TENM2: variants seen among roughly 807,000 people sequenced by gnomAD.
The protein encoded by TENM2 is teneurin-2.
In TENM2, 52 loss-of-function variants were observed where a neutral mutation model predicts 245.2. The observed-to-expected ratio is 0.21, with a 90% CI of 0.17 to 0.27. The LOEUF (loss-of-function observed/expected upper bound fraction) is 0.27. Ranked by LOEUF, TENM2 falls within the 10% of genes least tolerant of loss-of-function variation. TENM2 has a pLI of 1.00. For synonymous variants in TENM2, 1,363 were observed against 1,438.9 expected (o/e 0.95, Z 1.19); for missense variants, 3,046 against 3,666.8 (o/e 0.83, Z 4.37).
intron 2 of TENM2, among the ~76,000 whole-genome samples, chr5:167,629,912 G>GAAGAGGAGGAGA (rs1406813255): frequency 5.3e-5 from 8 of 151,938 alleles, no homozygotes; most frequent in Non-Finnish European, 1.2e-4. Context: ...GAAAGAGGAG[G>GAAGAGGAGGAGA]AAGAGGAGGA....
intron 1 of TENM2, among the ~76,000 whole-genome samples, chr5:167,312,048 T>A (rs1455751642): frequency 6.6e-6 from 1 of 152,178 alleles, no homozygotes; most frequent in Non-Finnish European, 1.5e-5. Context: ...TCCTAGGAAA[T>A]CTGGAGTTGT....
intron 2 of TENM2, among the ~76,000 whole-genome samples, chr5:167,634,600 A>G (rs985482509): frequency 2.6e-5 from 4 of 151,938 alleles, no homozygotes; most frequent in Non-Finnish European, 4.4e-5. Flanking sequence ...TTCATAGTCC[A>G]ATGTTCTCTC....
intron 2 of TENM2, among the ~76,000 whole-genome samples, chr5:167,641,473 C>A (rs1486373058): frequency 1.3e-5 from 2 of 152,176 alleles, no homozygotes; most frequent in East Asian, 1.9e-4. Flanking sequence ...ACAGCAAAAA[C>A]CACATTTGGT....
At chr5:167,336,378 G>A (rs531674095) in intron 1 of TENM2, among the ~76,000 whole-genome samples, 2 of 151,498 alleles carry the variant, frequency 1.3e-5, no homozygotes, top group South Asian at 2.1e-4. Context: ...GGATAAAAAG[G>A]CATCTCTGGT....
chr5:167,377,517 A>AT (rs1760833552), intron 2 of TENM2, among the ~76,000 whole-genome samples: 1 of 152,130 alleles, frequency 6.6e-6, no homozygotes, highest in Admixed American at 6.5e-5. Flanking sequence ...TTTTTAAAAC[A>AT]TTTTTTCAAT....
At chr5:167,755,145 C>T (rs756181485) in intron 2 of TENM2, 28 of 1,599,028 alleles carry the variant, frequency 1.8e-5, no homozygotes, top group Middle Eastern at 1.6e-4. Context: ...AGTACCTCAC[C>T]TCAGTCTGTG....
At chr5:167,420,689 C>CCT (rs1370923273) in intron 2 of TENM2, among the ~76,000 whole-genome samples, 2 of 152,188 alleles carry the variant, frequency 1.3e-5, no homozygotes, top group Non-Finnish European at 2.9e-5. Context: ...CTTGCAACTG[C>CCT]CTTCCCATCC....
chr5:168,225,239 C>T (rs1764050150), intron 23 of TENM2, among the ~76,000 whole-genome samples: 1 of 152,152 alleles, frequency 6.6e-6, no homozygotes, highest in South Asian at 2.1e-4. Flanking sequence ...CCAATTTGTG[C>T]AGGTGGCATT....
chr5:167,424,226 G>A (rs867887405), intron 2 of TENM2, among the ~76,000 whole-genome samples: 2 of 151,722 alleles, frequency 1.3e-5, no homozygotes, highest in Non-Finnish European at 2.9e-5. Context: ...TCATTCTTCC[G>A]GCCCCGTTTA....
chr5:167,422,941 T>C (rs563809620), intron 2 of TENM2, among the ~76,000 whole-genome samples: 1 of 152,308 alleles, frequency 6.6e-6, no homozygotes, highest in South Asian at 2.1e-4. Context: ...AGTAGTTTTA[T>C]GATGCACTCT....
intron 2 of TENM2, among the ~76,000 whole-genome samples, chr5:167,509,707 C>T (rs914833039): frequency 6.6e-6 from 1 of 152,110 alleles, no homozygotes; most frequent in Non-Finnish European, 1.5e-5. Flanking sequence ...TACCATGTGC[C>T]AGGACCCACG....
chr5:167,630,825 A>G (rs1042978709), intron 2 of TENM2, among the ~76,000 whole-genome samples: 2 of 152,232 alleles, frequency 1.3e-5, no homozygotes, highest in Admixed American at 6.5e-5. Context: ...ATCTGTGCAT[A>G]GCTTTTCTCT....
the TENM2 span, among the ~76,000 whole-genome samples, chr5:167,155,940 A>G: frequency 6.6e-6 from 1 of 152,216 alleles, no homozygotes; most frequent in Admixed American, 6.5e-5. Flanking sequence ...TATTTCAGTA[A>G]CTGCTTCTGT....
At chr5:167,431,659 A>G (rs1289320598) in intron 2 of TENM2, among the ~76,000 whole-genome samples, 1 of 151,944 alleles carries the variant, frequency 6.6e-6, no homozygotes, top group Non-Finnish European at 1.5e-5. Context: ...CTATCTATAT[A>G]CACAACAACA....
chr5:167,857,377 G>A (rs1771187600), intron 2 of TENM2, among the ~76,000 whole-genome samples: 2 of 152,170 alleles, frequency 1.3e-5, no homozygotes, highest in African/African-American at 2.4e-5. Flanking sequence ...GTTAAGAACT[G>A]CAGGGCCTCG....
intron 2 of TENM2, among the ~76,000 whole-genome samples, chr5:167,718,839 T>G: frequency 6.6e-6 from 1 of 152,120 alleles, no homozygotes; most frequent in East Asian, 1.9e-4. Context: ...TTAACCTCTC[T>G]GAGCCTCAGT....
intron 10 of TENM2, among the ~76,000 whole-genome samples, chr5:168,123,102 G>T (rs998376996): frequency 6.6e-5 from 10 of 151,214 alleles, no homozygotes; most frequent in Admixed American, 5.9e-4. Context: ...TTCACAACTA[G>T]CCTGGGCAAC....
At chr5:167,736,302 A>T (rs573388772) in intron 2 of TENM2, among the ~76,000 whole-genome samples, 2 of 152,242 alleles carry the variant, frequency 1.3e-5, no homozygotes, top group East Asian at 3.9e-4. Flanking sequence ...CCCTCCCATG[A>T]CACGTGAGGA....
chr5:167,336,144 C>T (rs1757738680), intron 1 of TENM2, among the ~76,000 whole-genome samples: 2 of 150,106 alleles, frequency 1.3e-5, no homozygotes, highest in Admixed American at 6.6e-5. Context: ...AAAATTCATC[C>T]ATTGGCTCAT....
Sources: allele counts gnomAD v4.1 joint callset (sites outside exome capture counted in the v4.1 genomes callset), GRCh38; gene constraint gnomAD v4.1.1; transcripts MANE v1.5; gene names NCBI Gene and HGNC (gene_info 2026-07-23, HGNC 2026-07-21).